DLG2: variants seen among roughly 807,000 people sequenced by gnomAD.
DLG2 encodes discs large MAGUK scaffold protein 2, also known as disks large homolog 2.
DLG2 carries 45 observed loss-of-function variants against 132.5 expected under a neutral mutation model. The ratio of observed to expected loss-of-function variants is 0.34; its 90% CI spans 0.27 to 0.44. The LOEUF is 0.44. Among genes scored for constraint, DLG2 ranks in the 20% least tolerant of loss-of-function variants. The probability of loss-of-function intolerance (pLI) is 1.00; values close to 1 mark genes in which losing one functional copy is unlikely to be tolerated. For synonymous variants in DLG2, 424 were observed against 419.6 expected (o/e 1.01, Z -0.13); for missense variants, 1,045 against 1,196.9 (o/e 0.87, Z 1.87).
intron 4 of DLG2, among the ~76,000 whole-genome samples, chr11:85,173,264 A>C (rs1404465286): frequency 6.6e-6 from 1 of 152,238 alleles, no homozygotes; most frequent in Non-Finnish European, 1.5e-5. Flanking sequence ...CAGCAGACTA[A>C]CAGCAAACCT....
chr11:84,142,335 A>G (rs1566680722), intron 9 of DLG2, among the ~76,000 whole-genome samples: 2 of 151,870 alleles, frequency 1.3e-5, no homozygotes, highest in South Asian at 2.1e-4. Context: ...AAAAAAAAAA[A>G]AAAGAAAAGG....
intron 6 of DLG2, among the ~76,000 whole-genome samples, chr11:84,592,050 T>C (rs749112077): frequency 1.3e-5 from 2 of 152,058 alleles, no homozygotes; most frequent in Non-Finnish European, 2.9e-5. Flanking sequence ...GATGGGTTCT[T>C]GCCATGTTGC....
chr11:83,891,238 G>A (rs2154086305), intron 15 of DLG2, among the ~76,000 whole-genome samples: 1 of 149,570 alleles, frequency 6.7e-6, no homozygotes. Context: ...TATAGGATGA[G>A]TAGCAGAAGG....
At chr11:85,312,079 T>C (rs928589854) in intron 3 of DLG2, among the ~76,000 whole-genome samples, 5 of 151,986 alleles carry the variant, frequency 3.3e-5, no homozygotes, top group South Asian at 2.1e-4. Flanking sequence ...TTTTCAAAAG[T>C]CAATTATCTC....
intron 7 of DLG2, among the ~76,000 whole-genome samples, chr11:84,265,628 C>T (rs80241257): frequency 0.05 from 7,533 of 152,032 alleles, 289 homozygotes; most frequent in Non-Finnish European, 0.076. Context: ...AAAGTTGTAA[C>T]GAGAAGTAAT....
intron 7 of DLG2, among the ~76,000 whole-genome samples, chr11:84,373,250 A>AAAAAAAC (rs2098713740): frequency 3.1e-5 from 1 of 32,118 alleles, no homozygotes; most frequent in Non-Finnish European, 6.8e-5. Flanking sequence ...AGAAACAGTC[A>AAAAAAAC]AAAAAAAAAA....
chr11:85,143,516 C>A (rs539407279), intron 5 of DLG2, among the ~76,000 whole-genome samples: 1 of 151,530 alleles, frequency 6.6e-6, no homozygotes, highest in African/African-American at 2.4e-5. Flanking sequence ...TACAATGTAT[C>A]ATTAGGTTAT....
intron 6 of DLG2, chr11:84,545,618 A>G (rs989918080): frequency 2.1e-5 from 7 of 330,676 alleles, no homozygotes; most frequent in African/African-American, 1.3e-4. Context: ...TGGTACTTCA[A>G]TCTTATTCAT....
chr11:84,814,089 G>T (rs1174713257), intron 6 of DLG2, among the ~76,000 whole-genome samples: 2 of 152,060 alleles, frequency 1.3e-5, no homozygotes, highest in Non-Finnish European at 2.9e-5. Context: ...TTACACTGCT[G>T]TGGCTTTAGC....
intron 19 of DLG2, among the ~76,000 whole-genome samples, chr11:83,560,337 C>G (rs897989616): frequency 6.6e-6 from 1 of 152,064 alleles, no homozygotes; most frequent in Non-Finnish European, 1.5e-5. Context: ...AGGCTGGTCT[C>G]AAACTCCCAA....
At chr11:84,162,880 C>T (rs936636927) in intron 9 of DLG2, among the ~76,000 whole-genome samples, 3 of 152,024 alleles carry the variant, frequency 2.0e-5, no homozygotes, top group Admixed American at 6.6e-5. Flanking sequence ...TTTTTCTACA[C>T]GGTCTTTGGC....
At chr11:84,486,596 C>T (rs2099151529) in intron 7 of DLG2, among the ~76,000 whole-genome samples, 1 of 151,736 alleles carries the variant, frequency 6.6e-6, no homozygotes. Context: ...AAATCTGCCT[C>T]AAATGACACT....
chr11:84,438,586 T>C (rs1307569777), intron 7 of DLG2, among the ~76,000 whole-genome samples: 1 of 152,228 alleles, frequency 6.6e-6, no homozygotes, highest in East Asian at 1.9e-4. Flanking sequence ...TAAATCATGC[T>C]CCTTTGAAGA....
rs79601963 is a variant in DLG2, at chr11:84,677,624, C to T, written c.358-142893G>A. Among the ~76,000 whole-genome samples the T allele has an allele frequency of 6.0e-3, 909 of 152,130 alleles. 4 individuals are homozygous for T. The highest frequency in any genetic ancestry group is 0.01 in the Non-Finnish European group (682 of 67,954). ...TGTTGCTGAGTATAGTGGCTTATGC[C>T]TGGAATCCTAGCAGTTTGGGAGGTT... On this transcript the variant is annotated intron_variant, in intron 6 of 27. Transcript: ENST00000376104.
intron 7 of DLG2, among the ~76,000 whole-genome samples, chr11:84,383,691 C>T (rs560747540): frequency 6.6e-6 from 1 of 152,096 alleles, no homozygotes; most frequent in Admixed American, 6.6e-5. Flanking sequence ...TCAGCCATAC[C>T]CCCACAAGGA....
rs1034138244 is a variant in DLG2, at chr11:83,753,795, G to A, written c.1825+32895C>T. On this transcript the variant is annotated intron_variant, in intron 18 of 27. Transcript: ENST00000376104. ...TATGGCATATATATGTCATATATAT[G>A]ATATATCATATATATCATATATATA... is the stretch of plus-strand genomic sequence containing the variant. Among the ~76,000 whole-genome samples the A allele has an allele frequency of 9.9e-5, 10 of 101,252 alleles. 1 individual carries two copies. Among genetic ancestry groups the A allele is most frequent in the African/African-American group, 3.8e-4 (7 of 18,358 alleles). The allele number at this position is 101,252 out of a possible 152,430, so 66.4% of individuals were successfully genotyped here. A position where few individuals can be genotyped will look rare whatever the true frequency, so the allele number is the denominator to read the frequency against.
At chr11:84,054,028 T>C (rs939099356) in intron 11 of DLG2, among the ~76,000 whole-genome samples, 1 of 152,116 alleles carries the variant, frequency 6.6e-6, no homozygotes, top group Non-Finnish European at 1.5e-5. Flanking sequence ...TTTCAGTTTT[T>C]ATTAATGAGT....
intron 7 of DLG2, among the ~76,000 whole-genome samples, chr11:84,259,146 C>T (rs992578953): frequency 1.3e-5 from 2 of 151,722 alleles, no homozygotes; most frequent in African/African-American, 4.8e-5. Flanking sequence ...GGGGTGGGTG[C>T]CTGTAACCCA....
intron 3 of DLG2, among the ~76,000 whole-genome samples, chr11:85,303,797 G>A (rs1016821648): frequency 2.0e-5 from 3 of 152,126 alleles, no homozygotes; most frequent in African/African-American, 7.2e-5. Flanking sequence ...TCATTTGAAA[G>A]AAATGGATAA....
Sources: gnomAD v4.1 joint callset for allele counts (sites outside exome capture counted in the v4.1 genomes callset) on GRCh38, gnomAD v4.1.1 for gene constraint, MANE v1.5 for transcripts, NCBI Gene and HGNC (gene_info 2026-07-23, HGNC 2026-07-21) for gene names.